Variants in MRPL44 observed in about 807,000 individuals in gnomAD.
The protein encoded by MRPL44 is mitochondrial ribosomal protein L44.
In MRPL44, 21 loss-of-function variants were observed where a neutral mutation model predicts 25.9. That is an observed-to-expected ratio of 0.81 (90% CI 0.58 to 1.17). MRPL44 has a LOEUF of 1.17. MRPL44 is among the 50% of genes most tolerant of loss of function. MRPL44 has a pLI of 0.00. For synonymous variants in MRPL44, 169 were observed against 151.0 expected (o/e 1.12, Z -0.87); for missense variants, 410 against 398.9 (o/e 1.03, Z -0.24).
upstream of MRPL44, among the ~76,000 whole-genome samples, chr2:223,956,511 T>C (rs1349457549): frequency 1.3e-5 from 2 of 151,642 alleles, no homozygotes; most frequent in Non-Finnish European, 2.9e-5. Flanking sequence ...CGGAAAGAGG[T>C]GAGGAGAGCC....
chr2:223,962,651 C>T (rs10168322), intron 2 of MRPL44, among the ~76,000 whole-genome samples: 130,881 of 152,208 alleles, frequency 0.86, 56,749 homozygotes, highest in Non-Finnish European at 0.92. Context: ...TACTAGTATG[C>T]TACAGTTTTA....
At position 223,966,927 on chromosome 2, in the gene MRPL44, C is replaced by T. The variant is rs370640790; in HGVS notation, c.892C>T (p.Arg298Ter). 1.6e-5 allele frequency: 26 copies of T among 1,613,958 alleles called. No homozygotes were observed. Among genetic ancestry groups the T allele is most frequent in the Middle Eastern group, 1.6e-4 (1 of 6,084 alleles). Residue 298 changes from arginine (R) to a stop codon, truncating the protein, a stop_gained, in exon 4 of 4, where the codon CGA becomes TGA. Transcript: ENST00000258383. LOFTEE classifies it low-confidence loss of function (END_TRUNC). ...ATTGGTTGCAGAAGAAGAGGCTGCT[C>T]GAGTGGCCCTTAGAAAACTTTATGG... ...TVLVAEEEAA[R>*]VALRKLYGFT...
At position 223,967,151 on chromosome 2, in the gene MRPL44, A is replaced by T; in HGVS notation, c.*117A>T. On this transcript the variant is annotated 3_prime_UTR_variant, in exon 4 of 4. Transcript: ENST00000258383. ...AATAGATGTTTTGTTTCTGTTTTTT[A>T]CTGTGTTCCCAAAATTAAATAAGTG... The T allele has an allele frequency of 9.8e-7, 1 of 1,017,992 alleles. No homozygotes were observed. The highest frequency in any genetic ancestry group is 2.0e-5 in the South Asian group (1 of 50,104). 63.1% of individuals were successfully genotyped at this position (1,017,992 alleles called of 1,614,324 possible). A position where few individuals can be genotyped will look rare whatever the true frequency, so the allele number is the denominator to read the frequency against.
upstream of MRPL44, among the ~76,000 whole-genome samples, chr2:223,953,035 T>C (rs891721419): frequency 5.3e-5 from 8 of 152,172 alleles, no homozygotes; most frequent in African/African-American, 1.4e-4. Flanking sequence ...ATTTCAGTAA[T>C]TGAGTATTTT....
upstream of MRPL44, chr2:223,957,277 G>A (rs774197425): frequency 6.2e-5 from 39 of 633,406 alleles, no homozygotes; most frequent in Non-Finnish European, 9.6e-5. Flanking sequence ...TAGCGCAAGC[G>A]TAGCCTCAAG....
intron 2 of MRPL44, among the ~76,000 whole-genome samples, chr2:223,960,776 T>C (rs1214085473): frequency 6.6e-6 from 1 of 152,222 alleles, no homozygotes; most frequent in Non-Finnish European, 1.5e-5. Context: ...AGTTAGTTTT[T>C]TCTATAGAAA....
At chr2:223,960,108 GA>G in intron 2 of MRPL44, 106 bp downstream of exon 2, 1 of 889,960 alleles carries the variant, frequency 1.1e-6, no homozygotes, top group Non-Finnish European at 1.7e-6. Flanking sequence ...TTTCTCCCAA[GA>G]AAAACTGAGA....
upstream of MRPL44, among the ~76,000 whole-genome samples, chr2:223,955,580 C>A (rs1328110457): frequency 1.3e-5 from 2 of 152,200 alleles, no homozygotes; most frequent in Non-Finnish European, 2.9e-5. Context: ...GGCATCAAAA[C>A]ACAAAAGGTT....
upstream of MRPL44, among the ~76,000 whole-genome samples, chr2:223,957,066 A>G (rs1411315411): frequency 6.6e-6 from 1 of 152,264 alleles, no homozygotes; most frequent in African/African-American, 2.4e-5. Flanking sequence ...AACACTAAAT[A>G]TAAATTAAAA....
At chr2:223,955,008 A>G (rs1217873926), upstream of MRPL44, among the ~76,000 whole-genome samples, 2 of 152,134 alleles carry the variant, frequency 1.3e-5, no homozygotes, top group African/African-American at 2.4e-5. Context: ...TTCTTGATCA[A>G]TTTTCTATAC....
chr2:223,957,686 C>G lies in MRPL44; in HGVS notation c.179+35C>G, dbSNP rs373144312. 3.2e-6 allele frequency: 5 copies of G among 1,577,144 alleles called. No homozygotes were observed. In the East Asian group the frequency reaches 9.1e-5, roughly 29 times the overall value. ...ACCTCGGGAAGAGGTCTCAGGGTGG[C>G]GGTCGCAGACACTGGGTCTTCTTCC... On this transcript the variant is annotated intron_variant, in intron 1 of 3. Transcript: ENST00000258383.
rs747624821 is a variant in MRPL44 at position 223,957,503 on chromosome 2, C to T, written c.31C>T (p.Gln11Ter). The T allele has an allele frequency of 1.9e-6, 3 of 1,614,176 alleles. No homozygotes were observed. The South Asian group carries it at 3.3e-5, about 18-fold the overall frequency. The change falls in exon 1 of 4, where the codon CAG becomes TAG. Residue 11 changes from glutamine (Q) to a stop codon, truncating the protein, a stop_gained. Coordinates refer to ENST00000258383, the MANE Select transcript of MRPL44 (RefSeq NM_022915.5). LOFTEE classifies it high-confidence loss of function. ...GTCCGGGCTGGTAAGATTGCTGCAG[C>T]AGGGACATCGCTGCCTCCTGGCTCC... MASGLVRLLQQGHRCLLAPVA... is the reference protein window; with the variant it reads MASGLVRLLQ
chr2:223,951,330 C>T, the MRPL44 span, among the ~76,000 whole-genome samples: 1 of 152,098 alleles, frequency 6.6e-6, no homozygotes, highest in Non-Finnish European at 1.5e-5. Flanking sequence ...TTTTGAGGAA[C>T]AGGTGGTGTT....
chr2:223,957,373 CTT>C, upstream of MRPL44: 1 of 1,492,910 alleles, frequency 6.7e-7, no homozygotes. Flanking sequence ...CCGCCCCAGC[CTT>C]CTCTTCGCGT....
upstream of MRPL44, chr2:223,957,298 T>C: frequency 1.4e-6 from 1 of 716,450 alleles, no homozygotes; most frequent in Non-Finnish European, 2.3e-6. Context: ...GCGGCCGCAA[T>C]CACCCCGCCC....
At chr2:223,966,297 A>G (rs990435754) in intron 3 of MRPL44, among the ~76,000 whole-genome samples, 4 of 152,188 alleles carry the variant, frequency 2.6e-5, no homozygotes, top group Middle Eastern at 3.4e-3. Flanking sequence ...TTTGAAATAT[A>G]GAGCTGGTTT....
At chr2:223,960,144 G>C in intron 2 of MRPL44, 142 bp downstream of exon 2, 1 of 626,042 alleles carries the variant, frequency 1.6e-6, no homozygotes, top group South Asian at 2.1e-5. Context: ...TTTTATGGAA[G>C]GGCTGTAATT....
At chr2:223,956,954 A>G (rs1374246012), upstream of MRPL44, among the ~76,000 whole-genome samples, 1 of 152,228 alleles carries the variant, frequency 6.6e-6, no homozygotes, top group Non-Finnish European at 1.5e-5. Flanking sequence ...AATTTTGGAT[A>G]AGCCAACATT....
At chr2:223,962,390 G>T (rs1367141713) in intron 2 of MRPL44, among the ~76,000 whole-genome samples, 1 of 152,092 alleles carries the variant, frequency 6.6e-6, no homozygotes, top group Non-Finnish European at 1.5e-5. Context: ...GTAATGAATT[G>T]ACTTCATTTC....
Sources: allele counts gnomAD v4.1 joint callset (sites outside exome capture counted in the v4.1 genomes callset), GRCh38; gene constraint gnomAD v4.1.1; transcripts MANE v1.5; gene names NCBI Gene and HGNC (gene_info 2026-07-23, HGNC 2026-07-21).